GADL1: variants seen among roughly 807,000 people sequenced by gnomAD.
The protein encoded by GADL1 is GAD like acidic amino acid decarboxylase 1.
In GADL1, 71 loss-of-function variants were observed where a neutral mutation model predicts 69.5. The ratio of observed to expected loss-of-function variants is 1.02; its 90% CI spans 0.84 to 1.25. The LOEUF (loss-of-function observed/expected upper bound fraction) is 1.25. Ranked by LOEUF, GADL1 falls within the 50% of genes most tolerant of loss-of-function variation. The pLI is 0.00. For synonymous variants in GADL1, 254 were observed against 214.4 expected (o/e 1.18, Z -1.62); for missense variants, 737 against 631.8 (o/e 1.17, Z -1.79).
intron 12 of GADL1, among the ~76,000 whole-genome samples, chr3:30,793,154 A>G (rs924590354): frequency 2.0e-5 from 3 of 152,156 alleles, no homozygotes; most frequent in East Asian, 1.9e-4. Flanking sequence ...ATGATCTATT[A>G]AGATCTCTTG....
At chr3:30,769,176 A>C (rs575446855) in intron 14 of GADL1, among the ~76,000 whole-genome samples, 1 of 152,274 alleles carries the variant, frequency 6.6e-6, no homozygotes, top group East Asian at 1.9e-4. Context: ...AAAGTCACTC[A>C]GTCATTATTA....
intron 14 of GADL1, among the ~76,000 whole-genome samples, chr3:30,736,711 A>G (rs1268745743): frequency 6.6e-6 from 1 of 152,194 alleles, no homozygotes; most frequent in Non-Finnish European, 1.5e-5. Flanking sequence ...TATGCCATTA[A>G]TCTTCCATTT....
intron 11 of GADL1, 136 bp downstream of exon 11, chr3:30,833,717 A>G: frequency 1.6e-6 from 1 of 640,604 alleles, no homozygotes; most frequent in African/African-American, 1.8e-5. Context: ...TCATGTAGAG[A>G]CCATCAACAC....
chr3:30,891,359 A>G (rs1374175823), intron 1 of GADL1, among the ~76,000 whole-genome samples: 3 of 152,032 alleles, frequency 2.0e-5, no homozygotes, highest in Non-Finnish European at 4.4e-5. Flanking sequence ...AACCTCCCAA[A>G]ACTGACAGCT....
chr3:30,857,789 T>C (rs1698253592), intron 2 of GADL1, among the ~76,000 whole-genome samples: 1 of 151,964 alleles, frequency 6.6e-6, no homozygotes, highest in Non-Finnish European at 1.5e-5. Flanking sequence ...TTTCCTCTAG[T>C]CTCATCTGGG....
At chr3:30,853,845 C>A (rs1396468134) in intron 4 of GADL1, among the ~76,000 whole-genome samples, 2 of 152,118 alleles carry the variant, frequency 1.3e-5, no homozygotes, top group African/African-American at 4.8e-5. Context: ...AAGTAATGCC[C>A]TCCTAACGGG....
intron 1 of GADL1, among the ~76,000 whole-genome samples, chr3:30,876,893 C>G (rs976512742): frequency 6.6e-6 from 1 of 151,832 alleles, no homozygotes; most frequent in Non-Finnish European, 1.5e-5. Flanking sequence ...TGAGAAATAC[C>G]TTACTTTATT....
chr3:30,879,014 G>C (rs1031354012), intron 1 of GADL1, among the ~76,000 whole-genome samples: 1 of 151,858 alleles, frequency 6.6e-6, no homozygotes, highest in African/African-American at 2.4e-5. Context: ...AGGTATGTGG[G>C]GAGTAAAGAA....
chr3:30,750,718 T>C lies in GADL1; in HGVS notation c.1393-22303A>G, dbSNP rs189296038. Among the ~76,000 whole-genome samples the C allele has an allele frequency of 7.9e-5, 12 of 152,236 alleles. No homozygotes were observed. The East Asian group carries it at 1.2e-3, about 15-fold the overall frequency. On this transcript the variant is annotated intron_variant, in intron 14 of 14. Coordinates refer to ENST00000282538, the MANE Select transcript of GADL1 (RefSeq NM_207359.3). Reference sequence around the variant, plus strand: ...ACACACGCACACACAATATAAAATATACATATACGTATATGTAATTTGTCC... The same window carrying C: ...ACACACGCACACACAATATAAAATACACATATACGTATATGTAATTTGTCC...
At chr3:30,781,989 T>C (rs1010258578) in intron 13 of GADL1, among the ~76,000 whole-genome samples, 2 of 151,024 alleles carry the variant, frequency 1.3e-5, no homozygotes, top group African/African-American at 4.9e-5. Flanking sequence ...ACCAAGCTGT[T>C]CAAATTAATA....
At chr3:30,846,049 T>G (rs961990815) in intron 6 of GADL1, among the ~76,000 whole-genome samples, 1 of 132,514 alleles carries the variant, frequency 7.5e-6, no homozygotes, top group African/African-American at 3.1e-5. Flanking sequence ...CTGAGATAGA[T>G]AGATCAAAAA....
At chr3:30,848,914 C>T (rs1698099032) in intron 6 of GADL1, among the ~76,000 whole-genome samples, 1 of 152,158 alleles carries the variant, frequency 6.6e-6, no homozygotes, top group Admixed American at 6.5e-5. Context: ...AAATCCTTTG[C>T]CTGGTGACTT....
chr3:30,756,382 AAC>A (rs748649629), intron 14 of GADL1, among the ~76,000 whole-genome samples: 11 of 151,892 alleles, frequency 7.2e-5, no homozygotes, highest in African/African-American at 1.2e-4. Context: ...CAAGCCATAA[AAC>A]ACTCTATAAT....
intron 11 of GADL1, 132 bp downstream of exon 11, chr3:30,833,718 CCAT>C: frequency 1.6e-6 from 1 of 643,324 alleles, no homozygotes; most frequent in Non-Finnish European, 2.8e-6. Flanking sequence ...CATGTAGAGA[CCAT>C]CAACACATTT....
chr3:30,861,556 C>G, intron 2 of GADL1, 37 bp downstream of exon 2: 2 of 1,470,522 alleles, frequency 1.4e-6, no homozygotes, highest in Non-Finnish European at 1.8e-6. Flanking sequence ...ATCTATCTTT[C>G]CCATTTCTGC....
At chr3:30,866,653 T>G (rs1698407399) in intron 1 of GADL1, among the ~76,000 whole-genome samples, 1 of 151,866 alleles carries the variant, frequency 6.6e-6, no homozygotes, top group Non-Finnish European at 1.5e-5. Context: ...GGTTCCCCTG[T>G]GAGAAGAGCA....
intron 11 of GADL1, among the ~76,000 whole-genome samples, chr3:30,817,580 C>T (rs929302191): frequency 6.6e-6 from 1 of 152,128 alleles, no homozygotes; most frequent in Non-Finnish European, 1.5e-5. Flanking sequence ...AGGCAGAAAA[C>T]AATCTTTTCC....
chr3:30,860,754 G>T (rs754904352), intron 2 of GADL1, among the ~76,000 whole-genome samples: 8 of 151,910 alleles, frequency 5.3e-5, no homozygotes, highest in African/African-American at 1.2e-4. Context: ...TGTGATAAAG[G>T]TTGATTCGGT....
At chr3:30,729,445 T>G (rs1695421997) in intron 14 of GADL1, among the ~76,000 whole-genome samples, 1 of 152,198 alleles carries the variant, frequency 6.6e-6, no homozygotes, top group South Asian at 2.1e-4. Context: ...TTTCTATCCT[T>G]GCCTTCTCAG....
Sources: allele counts gnomAD v4.1 joint callset (sites outside exome capture counted in the v4.1 genomes callset), GRCh38; gene constraint gnomAD v4.1.1; transcripts MANE v1.5; gene names NCBI Gene and HGNC (gene_info 2026-07-23, HGNC 2026-07-21).